ACER3: variants seen among roughly 807,000 people sequenced by gnomAD.
The protein encoded by ACER3 is alkCDase 3.
Under a neutral mutation model 48.9 loss-of-function variants are expected in ACER3, and 16 were observed. That is an observed-to-expected ratio of 0.33 (90% CI 0.22 to 0.50). The LOEUF is 0.50. Ranked by LOEUF, ACER3 falls within the 20% of genes least tolerant of loss-of-function variation. The pLI is 0.98. For missense variants in ACER3, 227 were observed against 326.0 expected, an observed-to-expected ratio of 0.70 and a Z score of 2.34; for synonymous variants, 109 against 107.8, an observed-to-expected ratio of 1.01 and a Z score of -0.07.
intron 1 of ACER3, among the ~76,000 whole-genome samples, chr11:76,900,305 C>A (rs1408206485): frequency 6.6e-6 from 1 of 152,012 alleles, no homozygotes; most frequent in African/African-American, 2.4e-5. Flanking sequence ...GTGGCAGAGG[C>A]AGAAGAGGTG....
At chr11:76,924,777 G>T (rs2203755) in intron 1 of ACER3, among the ~76,000 whole-genome samples, 86,752 of 151,666 alleles carry the variant, frequency 0.57, 28,004 homozygotes, top group Non-Finnish European at 0.74. Context: ...GCCAGATAGT[G>T]TACTCTATGG....
chr11:77,009,962 C>G (rs1217781497), intron 7 of ACER3, among the ~76,000 whole-genome samples: 1 of 152,038 alleles, frequency 6.6e-6, no homozygotes, highest in Non-Finnish European at 1.5e-5. Flanking sequence ...TTCCTCATCA[C>G]CATACACACA....
At chr11:76,912,317 A>C (rs968675012) in intron 1 of ACER3, among the ~76,000 whole-genome samples, 5 of 152,072 alleles carry the variant, frequency 3.3e-5, no homozygotes, top group African/African-American at 1.2e-4. Context: ...AGAAGGAACC[A>C]CCCCTGCTGA....
chr11:76,973,565 G>A (rs1187775357), intron 3 of ACER3, among the ~76,000 whole-genome samples: 3 of 152,116 alleles, frequency 2.0e-5, no homozygotes, highest in Non-Finnish European at 4.4e-5. Flanking sequence ...CCCAGCTCAG[G>A]GTTGGGTGCC....
intron 1 of ACER3, among the ~76,000 whole-genome samples, chr11:76,910,387 C>T (rs1420395686): frequency 2.0e-5 from 3 of 151,982 alleles, no homozygotes; most frequent in African/African-American, 4.8e-5. Context: ...TTTTTTCTAA[C>T]AAATTATTAT....
intron 2 of ACER3, among the ~76,000 whole-genome samples, chr11:76,945,133 A>G (rs1030487635): frequency 1.3e-5 from 2 of 149,610 alleles, no homozygotes; most frequent in African/African-American, 4.9e-5. Flanking sequence ...TTTCTGATTT[A>G]TTTGTATTGG....
chr11:77,001,725 G>C (rs576556649), intron 7 of ACER3, among the ~76,000 whole-genome samples: 2 of 152,244 alleles, frequency 1.3e-5, no homozygotes, highest in African/African-American at 4.8e-5. Context: ...CCAATTCTAG[G>C]GGAAAAGCAT....
chr11:76,992,933 A>G (rs547778816), intron 6 of ACER3, among the ~76,000 whole-genome samples: 3 of 152,046 alleles, frequency 2.0e-5, no homozygotes, highest in South Asian at 2.1e-4. Flanking sequence ...CAGTGGCTCA[A>G]TCACAGCTCA....
chr11:76,947,728 T>C (rs964917476), intron 2 of ACER3, among the ~76,000 whole-genome samples: 9 of 152,158 alleles, frequency 5.9e-5, no homozygotes, highest in Non-Finnish European at 1.3e-4. Context: ...TGAAGAAAAA[T>C]GTGGGGAAAG....
chr11:76,936,749 G>C lies in ACER3; in HGVS notation c.214+10082G>C, dbSNP rs181191072. ...TTTTTTTTTTTTAAGACAGAGTCTC[G>C]CTCTGTCGCCCAGGCTACAGTGCAG... On this transcript the variant is annotated intron_variant, in intron 2 of 10. Transcript: ENST00000532485. Among the ~76,000 whole-genome samples, 803 of 142,846 alleles carry C rather than the reference G, an allele frequency of 5.6e-3. 5 individuals are homozygous for C. The highest frequency in any genetic ancestry group is 8.4e-3 in the Non-Finnish European group (559 of 66,266). 93.7% of individuals were successfully genotyped at this position (142,846 alleles called of 152,430 possible).
At chr11:76,980,109 G>A (rs1447851993) in intron 4 of ACER3, among the ~76,000 whole-genome samples, 2 of 152,046 alleles carry the variant, frequency 1.3e-5, no homozygotes, top group Non-Finnish European at 2.9e-5. Flanking sequence ...CTGCACTTCA[G>A]CCTGGGAAAC....
intron 3 of ACER3, among the ~76,000 whole-genome samples, chr11:76,973,122 G>A (rs571981749): frequency 3.3e-5 from 5 of 152,314 alleles, no homozygotes; most frequent in African/African-American, 1.2e-4. Context: ...AGCTGCCCAG[G>A]TGACAGCCAT....
chr11:76,935,901 T>A (rs899637280), intron 2 of ACER3, among the ~76,000 whole-genome samples: 3 of 152,216 alleles, frequency 2.0e-5, no homozygotes, highest in Non-Finnish European at 4.4e-5. Context: ...ATATAGAACA[T>A]CTTCATTACT....
At chr11:76,875,732 G>T (rs376653479) in intron 1 of ACER3, among the ~76,000 whole-genome samples, 114 of 67,074 alleles carry the variant, frequency 1.7e-3, no homozygotes, top group South Asian at 3.4e-3. Flanking sequence ...AGTTTTTGTT[G>T]TTTTTTTTTT....
chr11:76,919,472 G>A (rs896668361), intron 1 of ACER3, among the ~76,000 whole-genome samples: 2 of 152,092 alleles, frequency 1.3e-5, no homozygotes, highest in Admixed American at 6.6e-5. Flanking sequence ...AGTCTTGCCT[G>A]TAATTTATAT....
In ACER3 at chr11:76,998,820, T is replaced by C; in HGVS notation, c.496T>C (p.Trp166Arg). Residue 166 changes from tryptophan to arginine, a missense_variant and splice_region_variant, in exon 7 of 11, where the codon TGG becomes CGG. Transcript: ENST00000532485. The stretch of plus-strand genomic sequence containing the variant: ...ACTTCGATCTATTTATATTGTTACA[T>C]GGTAAGTAGTTTGGATCATCTGCAC... ...LVLRSIYIVT[W>R]VYPWLRGLGY... The C allele has an allele frequency of 6.3e-7, 1 of 1,591,420 alleles. No homozygotes were observed. Among genetic ancestry groups the C allele is most frequent in the South Asian group, 1.1e-5 (1 of 87,232 alleles).
intron 1 of ACER3, among the ~76,000 whole-genome samples, chr11:76,919,800 GA>G (rs940672381): frequency 5.3e-5 from 8 of 152,088 alleles, no homozygotes; most frequent in African/African-American, 1.9e-4. Context: ...GAAAAAGGGG[GA>G]AATCCATTAT....
intron 2 of ACER3, among the ~76,000 whole-genome samples, chr11:76,957,032 A>T (rs1379542802): frequency 6.6e-6 from 1 of 152,150 alleles, no homozygotes; most frequent in Non-Finnish European, 1.5e-5. Context: ...ATGTATCCTT[A>T]AGTTTAATCT....
intron 4 of ACER3, among the ~76,000 whole-genome samples, chr11:76,977,189 G>GC (rs1212793659): frequency 6.6e-6 from 1 of 152,174 alleles, no homozygotes; most frequent in African/African-American, 2.4e-5. Context: ...AAGCATACTG[G>GC]CCAGGCCATT....
Sources: gnomAD v4.1 joint callset for allele counts (sites outside exome capture counted in the v4.1 genomes callset) on GRCh38, gnomAD v4.1.1 for gene constraint, MANE v1.5 for transcripts, NCBI Gene and HGNC (gene_info 2026-07-23, HGNC 2026-07-21) for gene names.